USP34: variants seen among roughly 807,000 people sequenced by gnomAD.
USP34 encodes ubiquitin specific peptidase 34, also known as ubiquitin carboxyl-terminal hydrolase 34.
A neutral mutation model predicts 460.3 loss-of-function variants in USP34; 70 were observed. That is an observed-to-expected ratio of 0.15 (90% CI 0.13 to 0.19). The LOEUF is 0.19. USP34 is among the 10% of genes least tolerant of loss of function. USP34 has a pLI of 1.00. For missense variants in USP34, 3,985 were observed against 4,236.2 expected, an observed-to-expected ratio of 0.94 and a Z score of 1.65; for synonymous variants, 1,647 against 1,405.3, an observed-to-expected ratio of 1.17 and a Z score of -3.85.
At chr2:61,310,282 G>C (rs1170449597) in intron 27 of USP34, among the ~76,000 whole-genome samples, 2 of 152,036 alleles carry the variant, frequency 1.3e-5, no homozygotes, top group Non-Finnish European at 2.9e-5. Flanking sequence ...AAATAATGTA[G>C]AGACAAAGAT....
rs368094117 is a variant in USP34, at chr2:61,328,405, TC to T, written c.2930+2870del. 4.6e-3 allele frequency among the ~76,000 whole-genome samples: 697 copies of T among 152,074 alleles called. 7 individuals are homozygous for T. Among genetic ancestry groups the T allele is most frequent in the African/African-American group, 0.016 (662 of 41,470 alleles). ...ATCTTTCATGCTACAAGAATCTTTT[TC>T]CCCCCTCGGTGAAAAATTTCAGAAC... is the stretch of plus-strand genomic sequence containing the variant. On this transcript the variant is annotated intron_variant, in intron 20 of 79. Transcript: ENST00000398571.
At chr2:61,399,930 G>C (rs946954625) in intron 3 of USP34, among the ~76,000 whole-genome samples, 1 of 144,302 alleles carries the variant, frequency 6.9e-6, no homozygotes, top group South Asian at 2.3e-4. Flanking sequence ...CTTATTTTAG[G>C]TAATCGCTGA....
At chr2:61,435,080 G>A (rs879718537) in intron 1 of USP34, among the ~76,000 whole-genome samples, 4 of 151,942 alleles carry the variant, frequency 2.6e-5, no homozygotes, top group Non-Finnish European at 5.9e-5. Context: ...AAGGCAGGTG[G>A]ATTGCTTAAG....
At chr2:61,332,833 A>G (rs1020796249) in intron 19 of USP34, among the ~76,000 whole-genome samples, 8 of 152,068 alleles carry the variant, frequency 5.3e-5, no homozygotes, top group Admixed American at 2.6e-4. Context: ...AAATAATAAT[A>G]AAGGTCCAGA....
At chr2:61,229,465 A>ACC in intron 59 of USP34, 83 bp downstream of exon 59, 1 of 633,292 alleles carries the variant, frequency 1.6e-6, no homozygotes. Context: ...CTTAAAAAAA[A>ACC]AAAAAAAAAA....
chr2:61,266,579 G>A (rs537368276), intron 41 of USP34, among the ~76,000 whole-genome samples: 12 of 152,250 alleles, frequency 7.9e-5, no homozygotes, highest in Non-Finnish European at 1.8e-4. Context: ...TACTTATACT[G>A]TTGAAAGGTA....
intron 64 of USP34, 81 bp from the exon 65 acceptor site, chr2:61,222,744 T>C: frequency 7.7e-7 from 1 of 1,302,434 alleles, no homozygotes; most frequent in Non-Finnish European, 1.1e-6. Flanking sequence ...TCACCCAGGC[T>C]GGGATGCAGT....
In USP34 at chr2:61,256,389, T is replaced by C. The variant is rs773114270; in HGVS notation, c.6216A>G (p.Glu2072=). The part of the protein sequence containing the change: ...CSHCGKKVRA[E]KRACFKKLPR... ...TCACATTTGAAAAAGCATACCTTTT[T>C]TCAGCTCGTACTTTCTTCCCACAAT... Residue 2072 remains glutamate (E), a synonymous_variant, in exon 48 of 80, where the codon GAA becomes GAG. Coordinates refer to ENST00000398571, the MANE Select transcript of USP34 (RefSeq NM_014709.4). 3 of 1,611,434 alleles carry C rather than the reference T, an allele frequency of 1.9e-6. No homozygotes were observed. In the Admixed American group the frequency reaches 5.0e-5, roughly 27 times the overall value.
chr2:61,245,246 A>G lies in USP34; in HGVS notation c.6591T>C (p.Ala2197=), dbSNP rs759977165. The part of the protein sequence containing the change: ...NDAEVKPFDS[A]QLASECFGGE... ...CACCAAAACATTCAGATGCAAGTTG[A>G]GCAGAATCAAAAGGTTTTACCTCAG... Residue 2197 remains alanine (A), a synonymous_variant, in exon 51 of 80, where the codon GCT becomes GCC. Coordinates refer to ENST00000398571, the MANE Select transcript of USP34 (RefSeq NM_014709.4). 6.2e-7 allele frequency: 1 copy of G among 1,610,778 alleles called. No individual in the cohort carries two copies. Among genetic ancestry groups the G allele is most frequent in the Admixed American group, 1.7e-5 (1 of 59,718 alleles).
chr2:61,402,431 G>C (rs1418954732), intron 3 of USP34, among the ~76,000 whole-genome samples: 1 of 152,196 alleles, frequency 6.6e-6, no homozygotes, highest in East Asian at 1.9e-4. Flanking sequence ...GTGGCTCCAA[G>C]TTCCCATATT....
intron 2 of USP34, among the ~76,000 whole-genome samples, chr2:61,413,874 T>C (rs1694119306): frequency 1.4e-5 from 2 of 145,814 alleles, no homozygotes; most frequent in Non-Finnish European, 3.0e-5. Context: ...GAGGCTGCAG[T>C]GAGCCAAGAT....
intron 1 of USP34, among the ~76,000 whole-genome samples, chr2:61,436,984 C>A (rs920118169): frequency 2.6e-5 from 4 of 152,164 alleles, no homozygotes; most frequent in Non-Finnish European, 5.9e-5. Flanking sequence ...AAAATAATGT[C>A]TTGAAACAAA....
chr2:61,266,489 G>A (rs897556898), intron 41 of USP34, among the ~76,000 whole-genome samples: 2 of 152,108 alleles, frequency 1.3e-5, no homozygotes, highest in Non-Finnish European at 2.9e-5. Flanking sequence ...AAGTCTGACT[G>A]GCGCTTCTGC....
intron 8 of USP34, among the ~76,000 whole-genome samples, chr2:61,373,904 C>T (rs1692708969): frequency 6.6e-6 from 1 of 152,090 alleles, no homozygotes; most frequent in Non-Finnish European, 1.5e-5. Context: ...CCTGTAATCC[C>T]AGCACTTTGG....
At chr2:61,192,020 AG>A (rs1279408701) in intron 76 of USP34, among the ~76,000 whole-genome samples, 6 of 152,194 alleles carry the variant, frequency 3.9e-5, no homozygotes, top group Non-Finnish European at 8.8e-5. Context: ...TCTACACTTG[AG>A]TTCTGTTTTG....
chr2:61,229,638 G>C lies in USP34; in HGVS notation c.7114-5C>G, dbSNP rs1019412797. ...GATACACAAACGCTGAAACATCTGT[G>C]AAGAAAGAAAAAGATCAAACAAGAG... is the stretch of plus-strand genomic sequence containing the variant. On this transcript the variant is annotated splice_polypyrimidine_tract_variant and splice_region_variant and intron_variant, in intron 58 of 79. Transcript: ENST00000398571. 3.7e-6 allele frequency: 6 copies of C among 1,609,654 alleles called. No individual in the cohort carries two copies. The African/African-American group carries it at 6.7e-5, about 18-fold the overall frequency.
chr2:61,435,771 G>A (rs1160723415), intron 1 of USP34, among the ~76,000 whole-genome samples: 1 of 151,936 alleles, frequency 6.6e-6, no homozygotes, highest in Non-Finnish European at 1.5e-5. Flanking sequence ...GCTCATGCCT[G>A]TAATCCCAGC....
At position 61,454,722 on chromosome 2, in the gene USP34, T is replaced by C. The variant is rs533499908; in HGVS notation, c.43+15928A>G. Among the ~76,000 whole-genome samples the C allele has an allele frequency of 2.0e-5, 3 of 151,086 alleles. No individual in the cohort carries two copies. The East Asian group carries it at 6.0e-4, about 30-fold the overall frequency. The stretch of plus-strand genomic sequence containing the variant: ...CCACCACCACACCCAGCTTATTTTT[T>C]TATTTTTAGTAGACATGGGTTTCAC... On this transcript the variant is annotated intron_variant, in intron 1 of 79. Coordinates refer to ENST00000398571, the MANE Select transcript of USP34 (RefSeq NM_014709.4).
At chr2:61,250,902 G>A (rs1303363479) in intron 48 of USP34, among the ~76,000 whole-genome samples, 4 of 152,166 alleles carry the variant, frequency 2.6e-5, no homozygotes, top group African/African-American at 4.8e-5. Context: ...ACTTTGGGAG[G>A]CTGGAGCAGG....
Sources: gnomAD v4.1 joint callset for allele counts (sites outside exome capture counted in the v4.1 genomes callset) on GRCh38, gnomAD v4.1.1 for gene constraint, MANE v1.5 for transcripts, NCBI Gene and HGNC (gene_info 2026-07-23, HGNC 2026-07-21) for gene names.